Variants in RARS2 observed in about 807,000 individuals in gnomAD.
The protein encoded by RARS2 is probable arginine--tRNA ligase, mitochondrial.
A neutral mutation model predicts 88.5 loss-of-function variants in RARS2; 67 were observed. The ratio of observed to expected loss-of-function variants is 0.76; its 90% CI spans 0.62 to 0.93. The LOEUF (loss-of-function observed/expected upper bound fraction) is 0.93. Ranked by LOEUF, RARS2 falls within the 40% of genes least tolerant of loss-of-function variation. The pLI is 0.00. For synonymous variants in RARS2, 239 were observed against 230.3 expected, an observed-to-expected ratio of 1.04 and a Z score of -0.34; for missense variants, 664 against 684.2, an observed-to-expected ratio of 0.97 and a Z score of 0.33.
intron 18 of RARS2, 129 bp downstream of exon 18, chr6:87,516,677 G>A (rs770274575): frequency 2.4e-5 from 31 of 1,312,194 alleles, no homozygotes; most frequent in Non-Finnish European, 3.3e-5. Flanking sequence ...TTGTATAGAT[G>A]AAGCAATAAT....
chr6:87,579,213 A>C (rs1374004440), intron 1 of RARS2, among the ~76,000 whole-genome samples: 1 of 152,152 alleles, frequency 6.6e-6, no homozygotes, highest in Non-Finnish European at 1.5e-5. Flanking sequence ...AGCAGTTCCA[A>C]TACTTTGCCG....
At chr6:87,526,275 G>C (rs942950028) in intron 10 of RARS2, among the ~76,000 whole-genome samples, 1 of 152,156 alleles carries the variant, frequency 6.6e-6, no homozygotes, top group African/African-American at 2.4e-5. Context: ...CAGCACTTTG[G>C]GGGGCCAAGG....
intron 7 of RARS2, among the ~76,000 whole-genome samples, chr6:87,545,120 A>G (rs1582542656): frequency 1.3e-5 from 2 of 152,350 alleles, no homozygotes; most frequent in East Asian, 1.9e-4. Context: ...CTTTCTTGAG[A>G]CAAGGTCCTG....
At chr6:87,537,717 C>T (rs947535228) in intron 8 of RARS2, among the ~76,000 whole-genome samples, 1 of 152,096 alleles carries the variant, frequency 6.6e-6, no homozygotes, top group African/African-American at 2.4e-5. Flanking sequence ...TCCATCAAAG[C>T]TTTGAGAAAA....
At position 87,514,328 on chromosome 6, in the gene RARS2, AAT is replaced by A; in HGVS notation, c.*83_*84del. On this transcript the variant is annotated 3_prime_UTR_variant, in exon 20 of 20. Transcript: ENST00000369536. ...CTCCATCTCAAAAAAAAAAAAAAAA[AAT>A]TTAAATTTATTCTGAACAGCAAGGC... 6.1e-6 allele frequency: 6 copies of A among 981,102 alleles called. No individual in the cohort carries two copies. The highest frequency in any genetic ancestry group is 2.7e-5 in the East Asian group (1 of 37,146). 60.8% of individuals were successfully genotyped at this position (981,102 alleles called of 1,614,324 possible).
chr6:87,514,414 T>C lies in RARS2; in HGVS notation c.1736A>G (p.Ter579=), dbSNP rs776440221. 2 of 1,594,346 alleles carry C rather than the reference T, an allele frequency of 1.3e-6. No individual in the cohort carries two copies. Among genetic ancestry groups the C allele is most frequent in the Admixed American group, 3.3e-5 (2 of 59,992 alleles). Residue 579 remains the stop codon, a stop_retained_variant, in exon 20 of 20, where the codon TAA becomes TGA. Coordinates refer to ENST00000369536, the MANE Select transcript of RARS2 (RefSeq NM_020320.5). The part of the protein sequence containing the change: ...LLGITPVCRM[*] ...TTTTAAAAGCCATTTTAATGGAAAT[T>C]ACATCCTACATACAGGTGTTATTCC...
chr6:87,522,119 C>G (rs905515153), intron 11 of RARS2, among the ~76,000 whole-genome samples: 2 of 152,110 alleles, frequency 1.3e-5, no homozygotes, highest in African/African-American at 4.8e-5. Context: ...TTCACGAGGT[C>G]AGGAGTTTGA....
chr6:87,557,345 T>C (rs1317067957), intron 4 of RARS2, among the ~76,000 whole-genome samples: 1 of 152,194 alleles, frequency 6.6e-6, no homozygotes, highest in Non-Finnish European at 1.5e-5. Context: ...AGGGTCCCAG[T>C]ATTATTAGTC....
At chr6:87,519,802 T>C (rs1773254276) in intron 13 of RARS2, 95 bp from the exon 14 acceptor site, 2 of 1,434,724 alleles carry the variant, frequency 1.4e-6, no homozygotes, top group Admixed American at 3.4e-5. Context: ...ACTTTAACCA[T>C]CAGAGCAGAG....
At chr6:87,516,930 T>G in intron 17 of RARS2, 50 bp from the exon 18 acceptor site, 1 of 1,607,874 alleles carries the variant, frequency 6.2e-7, no homozygotes, top group South Asian at 1.1e-5. Context: ...CACATTACAC[T>G]AAGACATTAG....
At chr6:87,551,907 T>C (rs2128135419) in intron 5 of RARS2, among the ~76,000 whole-genome samples, 1 of 152,270 alleles carries the variant, frequency 6.6e-6, no homozygotes, top group Non-Finnish European at 1.5e-5. Flanking sequence ...TTGTACAAAA[T>C]AGGAGAGGCT....
At chr6:87,519,058 C>T in intron 14 of RARS2, 167 bp from the exon 15 acceptor site, 2 of 687,702 alleles carry the variant, frequency 2.9e-6, no homozygotes, top group Admixed American at 2.2e-5. Flanking sequence ...AATGACATTT[C>T]CCCTGCCTAC....
intron 8 of RARS2, 119 bp downstream of exon 8, chr6:87,541,799 G>A: frequency 1.3e-6 from 1 of 750,430 alleles, no homozygotes; most frequent in South Asian, 1.5e-5. Flanking sequence ...ACTCCAGCCT[G>A]GGCAACAGAG....
rs1432493348 is a variant in RARS2, at chr6:87,515,004, C to G, written c.1603G>C (p.Ala535Pro). ...LLTLSHLAAVAHKTLQIKDSP... is the reference protein window; with the variant it reads ...LLTLSHLAAVPHKTLQIKDSP... ...TCTTTTATTTGTAGTGTTTTGTGTG[C>G]CACAGCTGCAAGATGACTGAAACAG... Residue 535 changes from alanine to proline, a missense_variant, in exon 19 of 20, where the codon GCA becomes CCA. Ala to Pro is a conservative substitution (Grantham distance 27, BLOSUM62 -1). Transcript: ENST00000369536. 6.2e-7 allele frequency: 1 copy of G among 1,613,196 alleles called. No individual in the cohort carries two copies. Among genetic ancestry groups the G allele is most frequent in the East Asian group, 2.2e-5 (1 of 44,858 alleles).
chr6:87,518,270 C>G lies in RARS2; in HGVS notation c.1416-6G>C, dbSNP rs1274119098. ...ATCCAAAAGTCTCTTCCAAACTTAT[C>G]AAAAGTTTAAAGTTAAAAACATCAA... On this transcript the variant is annotated splice_region_variant and splice_polypyrimidine_tract_variant and intron_variant, in intron 16 of 19. Transcript: ENST00000369536. 47 of 1,613,924 alleles carry G rather than the reference C, an allele frequency of 2.9e-5. No homozygotes were observed. The highest frequency in any genetic ancestry group is 3.8e-5 in the Non-Finnish European group (45 of 1,180,014).
chr6:87,580,099 A>G (rs1321985683), intron 1 of RARS2, among the ~76,000 whole-genome samples: 1 of 152,130 alleles, frequency 6.6e-6, no homozygotes, highest in Non-Finnish European at 1.5e-5. Flanking sequence ...TGGGAGTAAT[A>G]CGACTTTCTT....
intron 12 of RARS2, 97 bp from the exon 13 acceptor site, chr6:87,520,353 C>G: frequency 1.0e-6 from 1 of 982,988 alleles, no homozygotes; most frequent in Admixed American, 1.8e-5. Flanking sequence ...TGAGGTCTGA[C>G]AGACTAAAGT....
At chr6:87,528,656 A>G (rs1176849763) in intron 10 of RARS2, among the ~76,000 whole-genome samples, 3 of 152,250 alleles carry the variant, frequency 2.0e-5, no homozygotes, top group Non-Finnish European at 4.4e-5. Context: ...CAAATACTGT[A>G]TAGTCTCACA....
At chr6:87,584,851 G>T (rs1582906865) in intron 1 of RARS2, 2 of 307,390 alleles carry the variant, frequency 6.5e-6, no homozygotes, top group East Asian at 9.8e-5. Context: ...TAGAGAAGGG[G>T]TAACCATGCT....
Sources: allele counts gnomAD v4.1 joint callset (sites outside exome capture counted in the v4.1 genomes callset), GRCh38; gene constraint gnomAD v4.1.1; transcripts MANE v1.5; gene names NCBI Gene and HGNC (gene_info 2026-07-23, HGNC 2026-07-21).